The following FILIP1L variants were observed in gnomAD, a reference collection of about 807,000 sequenced individuals.
FILIP1L encodes filamin A interacting protein 1 like.
Under a neutral mutation model 96.6 loss-of-function variants are expected in FILIP1L, and 55 were observed. That is an observed-to-expected ratio of 0.57 (90% CI 0.46 to 0.71). The LOEUF (loss-of-function observed/expected upper bound fraction) is 0.71, where lower values mean the gene tolerates loss of function less well. Ranked by LOEUF, FILIP1L falls within the 30% of genes least tolerant of loss-of-function variation. The pLI is 0.00. For synonymous variants in FILIP1L, 467 were observed against 473.9 expected (o/e 0.99, Z 0.19); for missense variants, 1,304 against 1,321.2 (o/e 0.99, Z 0.20).
At chr3:99,907,039 G>C (rs1356798995) in intron 4 of FILIP1L, among the ~76,000 whole-genome samples, 1 of 151,992 alleles carries the variant, frequency 6.6e-6, no homozygotes, top group African/African-American at 2.4e-5. Context: ...TGAATAATTA[G>C]AGTATATTTA....
rs1031714092 is a variant in FILIP1L at position 99,877,303 on chromosome 3, T to C, written c.606-26233A>G. On this transcript the variant is annotated intron_variant, in intron 4 of 5. Transcript: ENST00000477258. ...TGATGTACATATGTCTGTAGAATTATTGTTTCCATATGTTTTGTCAAACAA... is the reference window on the plus strand; with the variant it reads ...TGATGTACATATGTCTGTAGAATTACTGTTTCCATATGTTTTGTCAAACAA... Among the ~76,000 whole-genome samples the C allele has an allele frequency of 2.5e-4, 38 of 152,212 alleles. 1 individual carries two copies. The highest frequency in any genetic ancestry group is 2.0e-3 in the Admixed American group (31 of 15,286).
rs767010369 is a variant in FILIP1L at position 99,850,939 on chromosome 3, T to C, written c.737A>G (p.Gln246Arg). 6.2e-6 allele frequency: 10 copies of C among 1,614,110 alleles called. No homozygotes were observed. The highest frequency in any genetic ancestry group is 2.7e-5 in the African/African-American group (2 of 74,956). The change falls in exon 5 of 6, where the codon CAG becomes CGG. Residue 246 changes from glutamine (Q) to arginine (R), a missense_variant. By Grantham distance (43) the Gln-to-Arg change is conservative (BLOSUM62 1). Transcript: ENST00000477258. ...KSFALMVVDE[Q>R]QRLTAQLTLQ... is the part of the protein sequence containing the mutation. The stretch of plus-strand genomic sequence containing the variant: ...GGTGAGCTGTGCCGTCAGCCTTTGC[T>C]GTTCATCCACCACCATCAAAGCAAA...
intron 4 of FILIP1L, among the ~76,000 whole-genome samples, chr3:99,886,099 C>T (rs1466267399): frequency 1.3e-5 from 2 of 152,234 alleles, no homozygotes; most frequent in Non-Finnish European, 2.9e-5. Flanking sequence ...ACAGAACACT[C>T]TATGTGTGCA....
At chr3:100,039,072 T>G (rs2065158125) in intron 1 of FILIP1L, among the ~76,000 whole-genome samples, 1 of 152,204 alleles carries the variant, frequency 6.6e-6, no homozygotes, top group Non-Finnish European at 1.5e-5. Context: ...ACTCCTAAAT[T>G]TAATGCTTAT....
intron 1 of FILIP1L, among the ~76,000 whole-genome samples, chr3:100,097,035 C>T (rs2066221849): frequency 6.6e-6 from 1 of 152,246 alleles, no homozygotes; most frequent in South Asian, 2.1e-4. Context: ...GGAACCAGGC[C>T]ACAAAGCAGG....
intron 1 of FILIP1L, among the ~76,000 whole-genome samples, chr3:99,938,384 T>A (rs1707756012): frequency 6.6e-6 from 1 of 152,216 alleles, no homozygotes; most frequent in Admixed American, 6.5e-5. Flanking sequence ...ATTTTAGACA[T>A]AAATTGTTTG....
chr3:100,043,642 A>AT (rs1408600433), intron 1 of FILIP1L, among the ~76,000 whole-genome samples: 1 of 152,214 alleles, frequency 6.6e-6, no homozygotes, highest in Non-Finnish European at 1.5e-5. Context: ...CTGGAAGGTG[A>AT]TTATGATATG....
chr3:100,000,061 AT>A (rs1222622301), intron 1 of FILIP1L, among the ~76,000 whole-genome samples: 1 of 152,104 alleles, frequency 6.6e-6, no homozygotes, highest in Non-Finnish European at 1.5e-5. Context: ...AGGCATCTCT[AT>A]TTTTTGAAAG....
intron 1 of FILIP1L, among the ~76,000 whole-genome samples, chr3:100,082,564 G>T (rs2065948948): frequency 1.3e-5 from 2 of 152,174 alleles, no homozygotes; most frequent in South Asian, 4.1e-4. Flanking sequence ...CAGCTTTGAA[G>T]ACCCTAAACA....
intron 4 of FILIP1L, among the ~76,000 whole-genome samples, chr3:99,912,290 T>C (rs1027920171): frequency 3.3e-5 from 5 of 152,192 alleles, no homozygotes; most frequent in Admixed American, 3.3e-4. Flanking sequence ...ATGCCCAGAA[T>C]AGGCAAAACC....
chr3:100,079,785 A>G (rs933369941), intron 1 of FILIP1L, among the ~76,000 whole-genome samples: 4 of 152,122 alleles, frequency 2.6e-5, no homozygotes, highest in African/African-American at 7.2e-5. Flanking sequence ...CCGTTTTACA[A>G]TTTCTATGCC....
chr3:99,941,254 T>G (rs1484787053), intron 1 of FILIP1L, among the ~76,000 whole-genome samples: 2 of 152,120 alleles, frequency 1.3e-5, no homozygotes, highest in African/African-American at 2.4e-5. Flanking sequence ...AAAACTGAAG[T>G]GTTATAAAGC....
At chr3:99,921,557 T>C (rs1219107371) in intron 4 of FILIP1L, among the ~76,000 whole-genome samples, 1 of 152,206 alleles carries the variant, frequency 6.6e-6, no homozygotes, top group East Asian at 1.9e-4. Context: ...ATTCAAAGAA[T>C]TCCATCTGGA....
At chr3:99,859,347 A>C (rs1446571999) in intron 4 of FILIP1L, among the ~76,000 whole-genome samples, 2 of 152,234 alleles carry the variant, frequency 1.3e-5, no homozygotes, top group African/African-American at 4.8e-5. Flanking sequence ...TCCCAGTAAC[A>C]ACCAAATAGT....
At chr3:99,949,826 C>A (rs1008472735) in intron 1 of FILIP1L, among the ~76,000 whole-genome samples, 4 of 152,232 alleles carry the variant, frequency 2.6e-5, no homozygotes, top group Non-Finnish European at 5.9e-5. Flanking sequence ...AGAAATAATT[C>A]TTTGATTTGT....
At position 99,952,542 on chromosome 3, in the gene FILIP1L, A is replaced by G. The variant is rs142748481; in HGVS notation, c.-10-21512T>C. On this transcript the variant is annotated intron_variant, in intron 1 of 5. Transcript: ENST00000477258. ...GTGGAATAGAAGCCACAAGGAATGG[A>G]TCATTTACATTCTCAGTTTATTAAA... 4.6e-3 allele frequency among the ~76,000 whole-genome samples: 696 copies of G among 152,286 alleles called. 2 individuals are homozygous for G. The highest frequency in any genetic ancestry group is 7.1e-3 in the South Asian group (34 of 4,820).
chr3:99,998,853 G>A (rs1196744903), intron 1 of FILIP1L, among the ~76,000 whole-genome samples: 2 of 152,192 alleles, frequency 1.3e-5, no homozygotes, highest in Non-Finnish European at 2.9e-5. Context: ...ACAGGCGTGA[G>A]CCACCGCGCC....
At position 99,850,945 on chromosome 3, in the gene FILIP1L, T is replaced by C; in HGVS notation, c.731A>G (p.Asp244Gly). ...CTGTGCCGTCAGCCTTTGCTGTTCATCCACCACCATCAAAGCAAAAGACTT... is the reference window on the plus strand; with the variant it reads ...CTGTGCCGTCAGCCTTTGCTGTTCACCCACCACCATCAAAGCAAAAGACTT... ...KLKSFALMVVDEQQRLTAQLT... is the reference protein window; with the variant it reads ...KLKSFALMVVGEQQRLTAQLT... The change falls in exon 5 of 6, where the codon GAT (aspartate) becomes GGT (glycine). Residue 244 changes from aspartate to glycine, a missense_variant. Transcript: ENST00000477258. 6.2e-7 allele frequency: 1 copy of C among 1,614,210 alleles called. No individual in the cohort carries two copies. Among genetic ancestry groups the C allele is most frequent in the Non-Finnish European group, 8.5e-7 (1 of 1,180,020 alleles).
intron 4 of FILIP1L, among the ~76,000 whole-genome samples, chr3:99,877,336 G>A (rs2107597144): frequency 6.6e-6 from 1 of 152,224 alleles, no homozygotes; most frequent in South Asian, 2.1e-4. Context: ...CAAGAATGAC[G>A]AAAATAGTCT....
Sources: gnomAD v4.1 joint callset for allele counts (sites outside exome capture counted in the v4.1 genomes callset) on GRCh38, gnomAD v4.1.1 for gene constraint, MANE v1.5 for transcripts, NCBI Gene and HGNC (gene_info 2026-07-23, HGNC 2026-07-21) for gene names.